The following CRB1 variants were observed in gnomAD, a reference collection of about 807,000 sequenced individuals.
The protein encoded by CRB1 is protein crumbs homolog 1.
CRB1 carries 83 observed loss-of-function variants against 120.0 expected under a neutral mutation model. The ratio of observed to expected loss-of-function variants is 0.69; its 90% CI spans 0.58 to 0.83. CRB1 has a LOEUF of 0.83. CRB1 is among the 40% of genes least tolerant of loss of function. The pLI is 0.00. For synonymous variants in CRB1, 625 were observed against 612.5 expected (o/e 1.02, Z -0.30); for missense variants, 1,699 against 1,687.6 (o/e 1.01, Z -0.12).
At chr1:197,405,615 C>A (rs973304410) in intron 5 of CRB1, among the ~76,000 whole-genome samples, 3 of 151,244 alleles carry the variant, frequency 2.0e-5, no homozygotes, top group Non-Finnish European at 3.0e-5. Context: ...CGGCCGCCAT[C>A]CCATCTAGGA....
chr1:197,453,633 G>C (rs1666097477), intron 11 of CRB1, among the ~76,000 whole-genome samples: 1 of 144,934 alleles, frequency 6.9e-6, no homozygotes, highest in Non-Finnish European at 1.5e-5. Context: ...CTAGAGTCCA[G>C]GGGTGTGATC....
At chr1:197,454,014 G>T in intron 11 of CRB1, among the ~76,000 whole-genome samples, 1 of 144,646 alleles carries the variant, frequency 6.9e-6, no homozygotes, top group African/African-American at 2.6e-5. Context: ...TTGTAGAGAT[G>T]AGGTCTCACT....
chr1:197,340,761 G>C (rs566780100), intron 2 of CRB1, among the ~76,000 whole-genome samples: 1 of 152,268 alleles, frequency 6.6e-6, no homozygotes, highest in Non-Finnish European at 1.5e-5. Context: ...AGGGATGGGG[G>C]TGGCGCAAAT....
At chr1:197,344,248 T>C (rs1659637532) in intron 2 of CRB1, 33 bp from the exon 3 acceptor site, 1 of 1,606,400 alleles carries the variant, frequency 6.2e-7, no homozygotes, top group African/African-American at 1.3e-5. Flanking sequence ...GCTAAAACTT[T>C]TTCTGTTTTT....
Position 197,478,033 on chromosome 1 carries a change from A to C in CRB1, c.*154A>C. On this transcript the variant is annotated 3_prime_UTR_variant, in exon 12 of 12. Coordinates refer to ENST00000367400, the MANE Select transcript of CRB1 (RefSeq NM_201253.3). Reference sequence around the variant, plus strand: ...CTTTGACCACCTTAAAAACTTTCACAGTGGTTCCGCTCGACACCATTGTTT... The same window carrying C: ...CTTTGACCACCTTAAAAACTTTCACCGTGGTTCCGCTCGACACCATTGTTT... The C allele has an allele frequency of 2.5e-6, 2 of 794,494 alleles. No individual in the cohort carries two copies. The highest frequency in any genetic ancestry group is 3.0e-5 in the South Asian group (2 of 67,190). 49.2% of individuals were successfully genotyped at this position (794,494 alleles called of 1,614,324 possible).
chr1:197,391,624 T>C (rs1016274630), intron 5 of CRB1, among the ~76,000 whole-genome samples: 2 of 152,136 alleles, frequency 1.3e-5, no homozygotes, highest in Non-Finnish European at 2.9e-5. Context: ...TTCTGATAGT[T>C]GCATCCTGGA....
intron 5 of CRB1, among the ~76,000 whole-genome samples, chr1:197,404,276 AC>A (rs1399531091): frequency 6.6e-6 from 1 of 151,970 alleles, no homozygotes; most frequent in Non-Finnish European, 1.5e-5. Flanking sequence ...TATGAAAACC[AC>A]GTCTCTGTAC....
At chr1:197,325,474 T>C (rs1246678003) in intron 1 of CRB1, among the ~76,000 whole-genome samples, 1 of 152,210 alleles carries the variant, frequency 6.6e-6, no homozygotes, top group Non-Finnish European at 1.5e-5. Context: ...AAATTTTATG[T>C]TCACAATTCC....
Position 197,268,318 on chromosome 1 carries a change from A to G in CRB1, c.-95A>G, listed in dbSNP as rs751365812. 3.7e-5 allele frequency: 33 copies of G among 883,280 alleles called. No individual in the cohort carries two copies. Among genetic ancestry groups the G allele is most frequent in the Non-Finnish European group, 6.0e-5 (31 of 514,838 alleles). 54.7% of individuals were successfully genotyped at this position (883,280 alleles called of 1,614,324 possible). A position where few individuals can be genotyped will look rare whatever the true frequency, so the allele number is the denominator to read the frequency against. On this transcript the variant is annotated 5_prime_UTR_variant, in exon 1 of 12. Transcript: ENST00000367400. ...ACAGAGATGGCACCTGGGGGTTCTG[A>G]GGCACCCGCTCCTCTCTGAGACAGA...
the CRB1 span, among the ~76,000 whole-genome samples, chr1:197,252,671 C>CTTATT: frequency 1.4e-5 from 2 of 138,286 alleles, no homozygotes; most frequent in South Asian, 4.8e-4. Flanking sequence ...TAAAATAAAA[C>CTTATT]TTATTATGGG....
intron 5 of CRB1, among the ~76,000 whole-genome samples, chr1:197,383,043 T>A (rs890253265): frequency 2.6e-5 from 4 of 152,160 alleles, no homozygotes; most frequent in Non-Finnish European, 4.4e-5. Flanking sequence ...TTATTTGTCC[T>A]CTACTTTTGG....
intron 5 of CRB1, among the ~76,000 whole-genome samples, chr1:197,400,945 C>T (rs1460196086): frequency 6.6e-6 from 1 of 151,882 alleles, no homozygotes; most frequent in Non-Finnish European, 1.5e-5. Flanking sequence ...CCCTTCTTTT[C>T]CTCTCTGTTT....
intron 11 of CRB1, among the ~76,000 whole-genome samples, chr1:197,450,855 G>A (rs1249593890): frequency 2.0e-5 from 3 of 147,298 alleles, no homozygotes; most frequent in South Asian, 2.1e-4. Flanking sequence ...AGCTACTTGG[G>A]AGGCTGAGGC....
chr1:197,467,824 A>T (rs145109807), intron 11 of CRB1, among the ~76,000 whole-genome samples: 201 of 152,342 alleles, frequency 1.3e-3, no homozygotes, highest in African/African-American at 4.7e-3. Flanking sequence ...ACTATGTTGA[A>T]AATAAGTGGT....
intron 5 of CRB1, among the ~76,000 whole-genome samples, chr1:197,403,307 G>T (rs11799515): frequency 0.26 from 39,807 of 152,044 alleles, 5,546 homozygotes; most frequent in Middle Eastern, 0.39. Flanking sequence ...CTAGCAGCCA[G>T]GTACATTAGA....
chr1:197,280,455 A>G (rs916278919), intron 1 of CRB1, among the ~76,000 whole-genome samples: 66 of 151,896 alleles, frequency 4.3e-4, no homozygotes, highest in African/African-American at 1.4e-3. Flanking sequence ...ATAATTTTAA[A>G]TATCAACATA....
At chr1:197,286,318 A>G (rs1361628194) in intron 1 of CRB1, among the ~76,000 whole-genome samples, 2 of 151,868 alleles carry the variant, frequency 1.3e-5, no homozygotes, top group African/African-American at 4.8e-5. Flanking sequence ...GAATCGTATA[A>G]AACTCCTGCA....
At chr1:197,406,131 A>G (rs1663379053) in intron 5 of CRB1, among the ~76,000 whole-genome samples, 2 of 152,220 alleles carry the variant, frequency 1.3e-5, no homozygotes, top group Admixed American at 1.3e-4. Flanking sequence ...TGTGGAATGG[A>G]AAGGGGAGAA....
At chr1:197,418,113 C>A (rs1266694478) in intron 5 of CRB1, among the ~76,000 whole-genome samples, 2 of 151,908 alleles carry the variant, frequency 1.3e-5, no homozygotes, top group African/African-American at 4.8e-5. Context: ...GAGAAAAAAT[C>A]GTGTTTTGCT....
Sources: allele counts gnomAD v4.1 joint callset (sites outside exome capture counted in the v4.1 genomes callset), GRCh38; gene constraint gnomAD v4.1.1; transcripts MANE v1.5; gene names NCBI Gene and HGNC (gene_info 2026-07-23, HGNC 2026-07-21).